Variants in SPOCK1 observed in about 807,000 individuals in gnomAD.
SPOCK1 encodes the protein testican-1.
Under a neutral mutation model 55.3 loss-of-function variants are expected in SPOCK1, and 23 were observed. The ratio of observed to expected loss-of-function variants is 0.42; its 90% CI spans 0.30 to 0.59. The LOEUF is 0.59. Ranked by LOEUF, SPOCK1 falls within the 20% of genes least tolerant of loss-of-function variation. The pLI, the probability that SPOCK1 is intolerant of heterozygous loss-of-function variation, is 0.22. For synonymous variants in SPOCK1, 226 were observed against 221.0 expected, an observed-to-expected ratio of 1.02 and a Z score of -0.20; for missense variants, 499 against 552.5, an observed-to-expected ratio of 0.90 and a Z score of 0.97.
At chr5:137,262,376 A>G (rs926983434) in intron 3 of SPOCK1, among the ~76,000 whole-genome samples, 2 of 152,236 alleles carry the variant, frequency 1.3e-5, no homozygotes, top group Admixed American at 1.3e-4. Flanking sequence ...AGACTGCATA[A>G]GGCCAAGGCA....
chr5:137,395,064 T>G (rs1751813267), intron 2 of SPOCK1, among the ~76,000 whole-genome samples: 1 of 152,182 alleles, frequency 6.6e-6, no homozygotes, highest in Admixed American at 6.5e-5. Context: ...GACCTCCTCA[T>G]TTCTACCCTG....
chr5:137,316,801 C>T (rs1284866633), intron 2 of SPOCK1, among the ~76,000 whole-genome samples: 1 of 152,206 alleles, frequency 6.6e-6, no homozygotes, highest in African/African-American at 2.4e-5. Context: ...ATTAGCCTAA[C>T]TCACAACATG....
chr5:137,089,045 T>G (rs1753009498), intron 5 of SPOCK1, among the ~76,000 whole-genome samples: 1 of 152,082 alleles, frequency 6.6e-6, no homozygotes, highest in Admixed American at 6.5e-5. Flanking sequence ...CTGGGACTAT[T>G]GCAAGGGGGC....
At chr5:137,070,247 A>G (rs541387090) in intron 5 of SPOCK1, among the ~76,000 whole-genome samples, 69 of 152,330 alleles carry the variant, frequency 4.5e-4, no homozygotes, top group African/African-American at 1.7e-3. Context: ...AGTGTTCTGA[A>G]CAGAGCCACA....
chr5:137,282,874 C>T (rs1757193034), intron 2 of SPOCK1, among the ~76,000 whole-genome samples: 1 of 152,188 alleles, frequency 6.6e-6, no homozygotes, highest in East Asian at 1.9e-4. Flanking sequence ...GCTCTGAAAT[C>T]CCAGGGGTTC....
intron 2 of SPOCK1, among the ~76,000 whole-genome samples, chr5:137,397,450 A>C (rs984077771): frequency 1.3e-5 from 2 of 152,156 alleles, no homozygotes; most frequent in African/African-American, 4.8e-5. Context: ...AAACTCCTTA[A>C]AAATCTTAAG....
At chr5:137,159,047 C>T (rs980768071) in intron 3 of SPOCK1, among the ~76,000 whole-genome samples, 2 of 152,250 alleles carry the variant, frequency 1.3e-5, no homozygotes, top group South Asian at 4.2e-4. Flanking sequence ...GAATCAGATG[C>T]TCCCCTTGAC....
chr5:137,482,152 A>G (rs1753963952), intron 2 of SPOCK1, among the ~76,000 whole-genome samples: 1 of 152,234 alleles, frequency 6.6e-6, no homozygotes. Flanking sequence ...GAAACTGCAG[A>G]AAATGCCCAA....
chr5:137,073,659 T>A (rs370342909), intron 5 of SPOCK1, among the ~76,000 whole-genome samples: 15 of 151,464 alleles, frequency 9.9e-5, no homozygotes, highest in African/African-American at 3.4e-4. Context: ...GTTAAAAATG[T>A]AAAAGAGGAA....
chr5:137,495,494 G>T (rs1260360210), intron 2 of SPOCK1, among the ~76,000 whole-genome samples: 1 of 152,216 alleles, frequency 6.6e-6, no homozygotes. Flanking sequence ...TCAGGAGGAA[G>T]GCAAGAAGTT....
intron 9 of SPOCK1, among the ~76,000 whole-genome samples, chr5:136,984,705 C>A (rs190645769): frequency 3.3e-5 from 5 of 152,308 alleles, no homozygotes; most frequent in Admixed American, 6.5e-5. Context: ...GTCGTTCAAC[C>A]CTGTTTGATA....
At chr5:137,096,143 C>T (rs183024524) in intron 5 of SPOCK1, among the ~76,000 whole-genome samples, 15 of 152,206 alleles carry the variant, frequency 9.9e-5, no homozygotes, top group Middle Eastern at 3.4e-3. Context: ...CTGAGAGATG[C>T]CATGTGGTTC....
At chr5:137,423,587 G>A (rs4324670) in intron 2 of SPOCK1, among the ~76,000 whole-genome samples, 140,029 of 152,286 alleles carry the variant, frequency 0.92, 65,146 homozygotes, top group East Asian at 1. Flanking sequence ...TGAGCCAGGC[G>A]CGGGATATAA....
At chr5:136,985,018 A>G (rs537088595) in intron 9 of SPOCK1, 122 bp downstream of exon 9, 1 of 1,039,052 alleles carries the variant, frequency 9.6e-7, no homozygotes, top group Non-Finnish European at 1.5e-6. Flanking sequence ...CTGGGGTTAA[A>G]ACAAGGCATT....
At chr5:137,392,544 C>G (rs549759246) in intron 2 of SPOCK1, among the ~76,000 whole-genome samples, 15 of 152,316 alleles carry the variant, frequency 9.8e-5, no homozygotes, top group African/African-American at 3.4e-4. Context: ...GCTCTGGAGA[C>G]TGACTGCATG....
At chr5:137,199,454 C>T (rs1215891784) in intron 3 of SPOCK1, among the ~76,000 whole-genome samples, 1 of 152,128 alleles carries the variant, frequency 6.6e-6, no homozygotes, top group Non-Finnish European at 1.5e-5. Context: ...TAGTTTTGAG[C>T]ACAAAGTTGA....
intron 6 of SPOCK1, among the ~76,000 whole-genome samples, chr5:137,044,760 A>G (rs928639982): frequency 2.7e-5 from 4 of 150,062 alleles, no homozygotes; most frequent in Admixed American, 6.6e-5. Context: ...GTCATCTAGC[A>G]TTAGGTATAT....
chr5:137,097,560 A>G (rs1378357618), intron 5 of SPOCK1, among the ~76,000 whole-genome samples: 3 of 152,276 alleles, frequency 2.0e-5, no homozygotes, highest in African/African-American at 7.2e-5. Context: ...TATATGGTGG[A>G]ATGGGGATAA....
At chr5:137,197,618 T>C (rs1755328205) in intron 3 of SPOCK1, among the ~76,000 whole-genome samples, 1 of 152,242 alleles carries the variant, frequency 6.6e-6, no homozygotes, top group African/African-American at 2.4e-5. Flanking sequence ...ACACATTGTA[T>C]TCCTTTAAAA....
Sources: allele counts gnomAD v4.1 joint callset (sites outside exome capture counted in the v4.1 genomes callset), GRCh38; gene constraint gnomAD v4.1.1; transcripts MANE v1.5; gene names NCBI Gene and HGNC (gene_info 2026-07-23, HGNC 2026-07-21).